Variants in BICRA observed in about 807,000 individuals in gnomAD.
The protein encoded by BICRA is BRD4 interacting chromatin remodeling complex associated protein, also known as BRD4-interacting chromatin-remodeling complex-associated protein.
In BICRA, 31 loss-of-function variants were observed where a neutral mutation model predicts 96.9. The observed-to-expected ratio is 0.32, with a 90% CI of 0.24 to 0.43. The LOEUF is 0.43. BICRA is among the 20% of genes least tolerant of loss of function. The pLI is 1.00. For synonymous variants in BICRA, 1,350 were observed against 1,071.8 expected (o/e 1.26, Z -5.07); for missense variants, 2,283 against 2,190.3 (o/e 1.04, Z -0.84).
At chr19:47,691,910 TTC>T (rs1973246679) in intron 7 of BICRA, among the ~76,000 whole-genome samples, 1 of 152,116 alleles carries the variant, frequency 6.6e-6, no homozygotes, top group South Asian at 2.1e-4. Context: ...AACAAGGACA[TTC>T]TCTTACTTAA....
chr19:47,625,491 C>T (rs865971054), intron 1 of BICRA, among the ~76,000 whole-genome samples: 8 of 152,054 alleles, frequency 5.3e-5, no homozygotes, highest in South Asian at 4.1e-4. Flanking sequence ...AGCTTATTTC[C>T]ATGTTAGGTG....
chr19:47,655,440 G>C (rs781542672), intron 1 of BICRA, among the ~76,000 whole-genome samples: 11 of 145,878 alleles, frequency 7.5e-5, no homozygotes, highest in Non-Finnish European at 1.5e-4. Context: ...CAGGAGATTC[G>C]CTTGAACCTG....
chr19:47,698,832 C>G lies in BICRA; in HGVS notation c.3397+50C>G, dbSNP rs753600063. On this transcript the variant is annotated intron_variant, in intron 12 of 14. Transcript: ENST00000594866. The surrounding 1 kb of genome is among the most constrained non-coding windows in gnomAD (Gnocchi z 4.8). Reference sequence around the variant, plus strand: ...CTATATGTCCCAGGGGACCCCAGCCCGTGGGGCGGGGCGTCGCCAGTGTGG... The same window carrying G: ...CTATATGTCCCAGGGGACCCCAGCCGGTGGGGCGGGGCGTCGCCAGTGTGG... 6.7e-7 allele frequency: 1 copy of G among 1,496,294 alleles called. No homozygotes were observed. The highest frequency in any genetic ancestry group is 9.1e-7 in the Non-Finnish European group (1 of 1,095,652). 92.7% of individuals were successfully genotyped at this position (1,496,294 alleles called of 1,614,324 possible).
At chr19:47,671,011 C>T (rs946078092) in intron 2 of BICRA, among the ~76,000 whole-genome samples, 1 of 152,152 alleles carries the variant, frequency 6.6e-6, no homozygotes, top group Non-Finnish European at 1.5e-5. Context: ...GAGTAATTGG[C>T]GTGTGGGGCT....
At chr19:47,669,354 T>TG (rs1298864374) in intron 1 of BICRA, among the ~76,000 whole-genome samples, 1 of 152,088 alleles carries the variant, frequency 6.6e-6, no homozygotes, top group African/African-American at 2.4e-5. Flanking sequence ...GATTGATGGG[T>TG]GAAAATACAG....
Position 47,695,066 on chromosome 19 carries a change from C to A in BICRA, c.3062C>A (p.Pro1021His). 1 of 1,495,652 alleles carries A rather than the reference C, an allele frequency of 6.7e-7. No individual in the cohort carries two copies. The highest frequency in any genetic ancestry group is 8.8e-7 in the Non-Finnish European group (1 of 1,132,492). The allele number at this position is 1,495,652 out of a possible 1,614,324, so 92.6% of individuals were successfully genotyped here. ...CCCAGCCACGCCCCCGCCCCGGCAC[C>A]CATGGCCGCCACAGGTAGGAGAGAG... ...TAPSHAPAPA[P>H]MAATGLPPLL... is the part of the protein sequence containing the mutation. The change falls in exon 9 of 15, where the codon CCC becomes CAC. Residue 1021 changes from proline to histidine, a missense_variant. Pro to His is a moderately conservative substitution (Grantham distance 77). Transcript: ENST00000594866.
intron 7 of BICRA, among the ~76,000 whole-genome samples, chr19:47,692,180 C>G (rs1303953879): frequency 6.6e-6 from 1 of 152,086 alleles, no homozygotes; most frequent in African/African-American, 2.4e-5. Context: ...TCCTTTTCCT[C>G]TATTGTAAAT....
chr19:47,699,229 C>A lies in BICRA; in HGVS notation c.3493-74C>A. On this transcript the variant is annotated intron_variant, in intron 13 of 14. Coordinates refer to ENST00000594866, the MANE Select transcript of BICRA (RefSeq NM_001394372.1). This position sits in a 1 kb window ranked among gnomAD's most constrained non-coding sequence, Gnocchi z 5.0. ...ACAAGGACAGTTTGGACCTTGCACG[C>A]ATCGTCCCCGTCGCTCGCGCCCCTT... 1 of 923,296 alleles carries A rather than the reference C, an allele frequency of 1.1e-6. No individual in the cohort carries two copies. The highest frequency in any genetic ancestry group is 1.7e-6 in the Non-Finnish European group (1 of 576,050). The allele number at this position is 923,296 out of a possible 1,614,324, so 57.2% of individuals were successfully genotyped here.
At chr19:47,625,584 C>G (rs73943825) in intron 1 of BICRA, among the ~76,000 whole-genome samples, 1 of 151,918 alleles carries the variant, frequency 6.6e-6, no homozygotes, top group Non-Finnish European at 1.5e-5. Flanking sequence ...TTATACAGAT[C>G]GTGAGGAGAT....
intron 9 of BICRA, 39 bp from the exon 10 acceptor site, chr19:47,695,326 G>T: frequency 1.2e-6 from 1 of 822,572 alleles, no homozygotes; most frequent in South Asian, 1.5e-5. Flanking sequence ...TTCATGCAGT[G>T]ACCGCAGGCC....
chr19:47,702,257 C>G lies in BICRA; in HGVS notation c.4525C>G (p.Leu1509Val). The G allele has an allele frequency of 6.3e-7, 1 of 1,598,370 alleles. No homozygotes were observed. Among genetic ancestry groups the G allele is most frequent in the Non-Finnish European group, 8.5e-7 (1 of 1,177,690 alleles). Reference protein sequence around the residue: ...EHLQSAIDSILNLQQAPGRTP... With the variant: ...EHLQSAIDSIVNLQQAPGRTP... Reference sequence around the variant, plus strand: ...CCTGCAGAGCGCCATCGACAGCATCCTGAACCTGCAGCAGGCCCCCGGCCG... The same window carrying G: ...CCTGCAGAGCGCCATCGACAGCATCGTGAACCTGCAGCAGGCCCCCGGCCG... Residue 1509 changes from leucine to valine, a missense_variant, in exon 15 of 15, where the codon CTG (leucine) becomes GTG (valine). Physicochemically the swap from Leu to Val is conservative, Grantham distance 32. Coordinates refer to ENST00000594866, the MANE Select transcript of BICRA (RefSeq NM_001394372.1).
chr19:47,671,946 T>G (rs1362771882), intron 2 of BICRA, among the ~76,000 whole-genome samples: 4 of 60,252 alleles, frequency 6.6e-5, no homozygotes, highest in African/African-American at 1.3e-4. Flanking sequence ...GAGGGATGGG[T>G]GGGTAGATGG....
In BICRA at chr19:47,698,920, C is replaced by T. The variant is rs765129863; in HGVS notation, c.3398-45C>T. On this transcript the variant is annotated intron_variant, in intron 12 of 14. Transcript: ENST00000594866. The surrounding 1 kb of genome is among the most constrained non-coding windows in gnomAD (Gnocchi z 4.8). ...CGCCCTCCTTCCTGCGCATCCGCGG[C>T]CGCCCCCAACATCTCCGCCCTTGCC... is the stretch of plus-strand genomic sequence containing the variant. The T allele has an allele frequency of 3.4e-6, 5 of 1,456,446 alleles. No homozygotes were observed. Among genetic ancestry groups the T allele is most frequent in the Non-Finnish European group, 4.7e-6 (5 of 1,058,644 alleles). The allele number at this position is 1,456,446 out of a possible 1,614,324, so 90.2% of individuals were successfully genotyped here.
intron 1 of BICRA, among the ~76,000 whole-genome samples, chr19:47,615,271 C>T (rs527557005): frequency 1.4e-4 from 21 of 152,344 alleles, no homozygotes; most frequent in Admixed American, 1.2e-3. Context: ...CGTGAGCCAC[C>T]GTGCCCGGCC....
chr19:47,648,666 GTTTT>G (rs778225836), intron 1 of BICRA, among the ~76,000 whole-genome samples: 3 of 140,504 alleles, frequency 2.1e-5, no homozygotes, highest in South Asian at 2.3e-4. Flanking sequence ...GAGGTCAGGA[GTTTT>G]TTTTTTTTGT....
chr19:47,699,130 C>A lies in BICRA; in HGVS notation c.3492+71C>A. 1.7e-6 allele frequency: 2 copies of A among 1,172,394 alleles called. No homozygotes were observed. The highest frequency in any genetic ancestry group is 2.5e-6 in the Non-Finnish European group (2 of 806,332). The allele number at this position is 1,172,394 out of a possible 1,614,324, so 72.6% of individuals were successfully genotyped here. A position where few individuals can be genotyped will look rare whatever the true frequency, so the allele number is the denominator to read the frequency against. The stretch of plus-strand genomic sequence containing the variant: ...GGACACTGCCCCTTTCCCTCACCCG[C>A]TCTGGGCAAGGTGGAGCCTCCCGCC... On this transcript the variant is annotated intron_variant, in intron 13 of 14. Coordinates refer to ENST00000594866, the MANE Select transcript of BICRA (RefSeq NM_001394372.1). This position sits in a 1 kb window ranked among gnomAD's most constrained non-coding sequence, Gnocchi z 5.0.
chr19:47,676,459 A>G (rs1972942318), intron 5 of BICRA, among the ~76,000 whole-genome samples: 1 of 152,030 alleles, frequency 6.6e-6, no homozygotes, highest in African/African-American at 2.4e-5. Context: ...TGCCGGTCCC[A>G]TGACTAAGTG....
chr19:47,657,185 G>T (rs1972631685), intron 1 of BICRA, among the ~76,000 whole-genome samples: 1 of 151,928 alleles, frequency 6.6e-6, no homozygotes, highest in African/African-American at 2.4e-5. Flanking sequence ...TTACACAAAT[G>T]GACTCACACA....
chr19:47,616,361 C>T (rs941438677), intron 1 of BICRA, among the ~76,000 whole-genome samples: 1 of 152,160 alleles, frequency 6.6e-6, no homozygotes, highest in African/African-American at 2.4e-5. Context: ...ACAGGGCTGG[C>T]ATTGGTGGCT....
Sources: gnomAD v4.1 joint callset for allele counts (sites outside exome capture counted in the v4.1 genomes callset) on GRCh38, gnomAD v4.1.1 for gene constraint, Gnocchi (gnomAD v3.1) non-coding constraint, MANE v1.5 for transcripts, NCBI Gene and HGNC (gene_info 2026-07-23, HGNC 2026-07-21) for gene names.